Variants in DLG5 observed in about 807,000 individuals in gnomAD.
DLG5 encodes the protein disks large homolog 5.
DLG5 carries 48 observed loss-of-function variants against 189.8 expected under a neutral mutation model. The observed-to-expected ratio is 0.25, with a 90% confidence interval of 0.20 to 0.32. DLG5 has a LOEUF of 0.32. DLG5 is among the 10% of genes least tolerant of loss of function. The pLI is 1.00. For missense variants in DLG5, 2,160 were observed against 2,544.7 expected (o/e 0.85, Z 3.25); for synonymous variants, 1,016 against 1,054.1 (o/e 0.96, Z 0.70).
intron 7 of DLG5, among the ~76,000 whole-genome samples, chr10:77,841,640 G>C (rs74520398): frequency 6.6e-6 from 1 of 152,120 alleles, no homozygotes; most frequent in African/African-American, 2.4e-5. Flanking sequence ...TGTAAGCTCC[G>C]GGCAGCCATG....
rs1365611257 is a variant in DLG5 at position 77,916,218 on chromosome 10, C to CA, written c.304+9998dup. On this transcript the variant is annotated intron_variant, in intron 1 of 31. Coordinates refer to ENST00000372391, the MANE Select transcript of DLG5 (RefSeq NM_004747.4). The stretch of plus-strand genomic sequence containing the variant: ...CAAACAACAGAGCAAGACCCTGTCT[C>CA]AAAAAAGAAAAGAGTCACAGATAAC... Among the ~76,000 whole-genome samples, 4 of 151,800 alleles carry CA rather than the reference C, an allele frequency of 2.6e-5. No homozygotes were observed. The East Asian group carries it at 7.7e-4, about 29-fold the overall frequency.
chr10:77,833,276 A>T (rs1431620605), intron 9 of DLG5, among the ~76,000 whole-genome samples: 1 of 152,166 alleles, frequency 6.6e-6, no homozygotes, highest in Non-Finnish European at 1.5e-5. Context: ...TGACACCCCA[A>T]ATGGTCTTCC....
chr10:77,821,452 G>A lies in DLG5; in HGVS notation c.3032C>T (p.Thr1011Ile). 6.2e-7 allele frequency: 1 copy of A among 1,612,894 alleles called. No homozygotes were observed. The highest frequency in any genetic ancestry group is 2.2e-5 in the East Asian group (1 of 44,864). ...GCTCCTTCTGGGAGGTTTTGGGGGT[G>A]TCAGAGGCCCCGCCCTCTTGGAGGG... ...PQPSKRAGPL[T>I]PPKPPRRSDS... The change falls in exon 15 of 32, where the codon ACA (threonine) becomes ATA (isoleucine). Residue 1011 changes from threonine (T) to isoleucine (I), a missense_variant. Physicochemically the swap from Thr to Ile is moderately conservative, Grantham distance 89. Transcript: ENST00000372391.
intron 5 of DLG5, among the ~76,000 whole-genome samples, chr10:77,852,582 AT>A (rs2154576649): frequency 6.6e-6 from 1 of 151,768 alleles, no homozygotes; most frequent in East Asian, 2.0e-4. Flanking sequence ...CGCCCGGCTA[AT>A]TTTTTGTATT....
At chr10:77,838,584 G>T (rs1430103573) in intron 7 of DLG5, among the ~76,000 whole-genome samples, 1 of 152,228 alleles carries the variant, frequency 6.6e-6, no homozygotes, top group African/African-American at 2.4e-5. Flanking sequence ...GAACACAGAA[G>T]GGAGAGAGGG....
intron 1 of DLG5, among the ~76,000 whole-genome samples, chr10:77,899,792 G>A (rs572270833): frequency 1.3e-5 from 2 of 152,256 alleles, no homozygotes; most frequent in South Asian, 2.1e-4. Flanking sequence ...CATCCCTGCC[G>A]CCCACTGGAG....
Position 77,868,346 on chromosome 10 carries a change from C to A in DLG5, c.373+783G>T, listed in dbSNP as rs920113606. On this transcript the variant is annotated intron_variant, in intron 2 of 31. Transcript: ENST00000372391. ...CCCACATCTGCCTAATTCGCCACTA[C>A]GGCCCAAGCCCACCTCTGGCACACT... 3.1e-5 allele frequency: 11 copies of A among 354,808 alleles called. No individual in the cohort carries two copies. In the Admixed American group the frequency reaches 3.8e-4, roughly 12 times the overall value. 22.0% of individuals were successfully genotyped at this position (354,808 alleles called of 1,614,324 possible). A position where few individuals can be genotyped will look rare whatever the true frequency, so the allele number is the denominator to read the frequency against.
intron 5 of DLG5, chr10:77,846,650 CTG>C: frequency 4.4e-6 from 2 of 454,790 alleles, no homozygotes; most frequent in Non-Finnish European, 8.8e-6. Flanking sequence ...TGAGCCAAGA[CTG>C]TGCCACTGCA....
chr10:77,824,287 C>G, intron 14 of DLG5, 97 bp downstream of exon 14: 1 of 919,618 alleles, frequency 1.1e-6, no homozygotes. Context: ...ACCCTGTTCT[C>G]AAGGATCCTG....
chr10:77,853,745 G>A (rs1192001668), intron 4 of DLG5, among the ~76,000 whole-genome samples: 2 of 152,172 alleles, frequency 1.3e-5, no homozygotes, highest in African/African-American at 4.8e-5. Context: ...TTACAAACCT[G>A]ACACCAAAAA....
chr10:77,805,135 A>T (rs1486538330), intron 27 of DLG5, among the ~76,000 whole-genome samples: 1 of 151,934 alleles, frequency 6.6e-6, no homozygotes, highest in Admixed American at 6.6e-5. Context: ...ACACCTGGCT[A>T]ATTTTTGTAT....
intron 2 of DLG5, among the ~76,000 whole-genome samples, chr10:77,867,308 C>T (rs1231338326): frequency 6.6e-6 from 1 of 152,178 alleles, no homozygotes; most frequent in African/African-American, 2.4e-5. Context: ...CGATTTAACC[C>T]TTGAAATGCC....
intron 27 of DLG5, among the ~76,000 whole-genome samples, chr10:77,801,505 G>A (rs1471950333): frequency 2.0e-5 from 3 of 152,180 alleles, no homozygotes; most frequent in Admixed American, 6.5e-5. Flanking sequence ...GGAGAGGCAA[G>A]GTCAGCACAG....
chr10:77,880,144 C>G (rs900843761), intron 1 of DLG5, among the ~76,000 whole-genome samples: 2 of 151,976 alleles, frequency 1.3e-5, no homozygotes, highest in Non-Finnish European at 2.9e-5. Context: ...ATGGGAGAGT[C>G]GACCACACAA....
chr10:77,926,316 G>T lies in DLG5; in HGVS notation c.205C>A (p.Gln69Lys). Residue 69 changes from glutamine to lysine, a missense_variant, in exon 1 of 32, where the codon CAG (glutamine) becomes AAG (lysine). Physicochemically the swap from Gln to Lys is moderately conservative, Grantham distance 53. This residue lies in a region of DLG5 where 664 missense variants were observed against 838.5 expected (regional missense o/e 0.79). Coordinates refer to ENST00000372391, the MANE Select transcript of DLG5 (RefSeq NM_004747.4). This position sits in a 1 kb window ranked among gnomAD's most constrained non-coding sequence, Gnocchi z 5.2. ...TTCTCCAGCGCCGCCCGCAGGTCCT[G>T]GAAGTGGTCCCGCTCCTTGGCCAAG... ...LLLAKERDHFQDLRAALEKTQ... is the reference protein window; with the variant it reads ...LLLAKERDHFKDLRAALEKTQ... 1.2e-6 allele frequency: 2 copies of T among 1,601,538 alleles called. No homozygotes were observed. Among genetic ancestry groups the T allele is most frequent in the East Asian group, 2.3e-5 (1 of 44,304 alleles).
At position 77,854,080 on chromosome 10, in the gene DLG5, C is replaced by G; in HGVS notation, c.680+147G>C. 2.8e-6 allele frequency: 3 copies of G among 1,058,934 alleles called. No homozygotes were observed. In the South Asian group the frequency reaches 5.1e-5, roughly 18 times the overall value. 65.6% of individuals were successfully genotyped at this position (1,058,934 alleles called of 1,614,324 possible). On this transcript the variant is annotated intron_variant, in intron 4 of 31. Transcript: ENST00000372391. The stretch of plus-strand genomic sequence containing the variant: ...TTAGGAAAACTGAGGCCCAAAGGCA[C>G]AAATCCACCTGCTGTAGGCAGACTG...
intron 1 of DLG5, among the ~76,000 whole-genome samples, chr10:77,896,002 G>C (rs1171018126): frequency 2.6e-5 from 4 of 152,034 alleles, no homozygotes; most frequent in African/African-American, 9.7e-5. Context: ...AACACCTTCA[G>C]AACAAAAATT....
chr10:77,825,072 C>A (rs143661410), intron 13 of DLG5, among the ~76,000 whole-genome samples: 1 of 152,098 alleles, frequency 6.6e-6, no homozygotes, highest in African/African-American at 2.4e-5. Context: ...TGCTCAGCAA[C>A]GATAAGTAAC....
At chr10:77,885,062 AGGCT>A (rs1339740399) in intron 1 of DLG5, among the ~76,000 whole-genome samples, 1 of 152,170 alleles carries the variant, frequency 6.6e-6, no homozygotes, top group African/African-American at 2.4e-5. Context: ...CTATACACTC[AGGCT>A]GTCACCTCCT....
Sources: gnomAD v4.1 joint callset for allele counts (sites outside exome capture counted in the v4.1 genomes callset) on GRCh38, gnomAD v4.1.1 for gene constraint, gnomAD v4.1.1 regional missense constraint, Gnocchi (gnomAD v3.1) non-coding constraint, MANE v1.5 for transcripts, NCBI Gene and HGNC (gene_info 2026-07-23, HGNC 2026-07-21) for gene names.